PXDNL: variants seen among roughly 807,000 people sequenced by gnomAD.
PXDNL encodes peroxidasin like.
A neutral mutation model predicts 150.8 loss-of-function variants in PXDNL; 145 were observed. That is an observed-to-expected ratio of 0.96 (90% CI 0.84 to 1.10). The LOEUF is 1.10. Among genes scored for constraint, PXDNL ranks in the 50% least tolerant of loss-of-function variants. The pLI, the probability that PXDNL is intolerant of heterozygous loss-of-function variation, is 0.00. For missense variants in PXDNL, 2,087 were observed against 1,873.9 expected (o/e 1.11, Z -2.10); for synonymous variants, 757 against 725.7 (o/e 1.04, Z -0.69).
chr8:51,744,913 GGAAGGAAA>G (rs1315468867), intron 1 of PXDNL, among the ~76,000 whole-genome samples: 1 of 119,088 alleles, frequency 8.4e-6, no homozygotes, highest in African/African-American at 3.3e-5. Context: ...AAGGAAGGAA[GGAAGGAAA>G]GAAAGAAAAA....
intron 4 of PXDNL, among the ~76,000 whole-genome samples, chr8:51,504,370 C>A (rs1811244400): frequency 6.6e-6 from 1 of 152,174 alleles, no homozygotes; most frequent in African/African-American, 2.4e-5. Context: ...CCCCTTCTTG[C>A]TCTACCTCAA....
chr8:51,642,138 T>C (rs930494240), intron 2 of PXDNL, among the ~76,000 whole-genome samples: 3 of 148,788 alleles, frequency 2.0e-5, no homozygotes, highest in Admixed American at 7.0e-5. Context: ...TTCTCACTCA[T>C]AGGTGGGAAT....
rs1210312643 is a variant in PXDNL at position 51,319,615 on chromosome 8, G to A, written c.*276C>T. 2 of 212,538 alleles carry A rather than the reference G, an allele frequency of 9.4e-6. No homozygotes were observed. Among genetic ancestry groups the A allele is most frequent in the Non-Finnish European group, 1.8e-5 (2 of 108,410 alleles). The allele number at this position is 212,538 out of a possible 1,614,324, so 13.2% of individuals were successfully genotyped here. A position where few individuals can be genotyped will look rare whatever the true frequency, so the allele number is the denominator to read the frequency against. On this transcript the variant is annotated 3_prime_UTR_variant, in exon 23 of 23. Coordinates refer to ENST00000356297, the MANE Select transcript of PXDNL (RefSeq NM_144651.5). The stretch of plus-strand genomic sequence containing the variant: ...TTCCATGATATTCTTTTTATTTCCA[G>A]GTGTGGCATATAAAACTGACAGCTT...
chr8:51,800,461 C>T lies in PXDNL; in HGVS notation c.164+8720G>A, dbSNP rs74911072. Among the ~76,000 whole-genome samples the T allele has an allele frequency of 4.9e-3, 740 of 152,196 alleles. 6 individuals are homozygous for T. The highest frequency in any genetic ancestry group is 0.017 in the African/African-American group (710 of 41,522). On this transcript the variant is annotated intron_variant, in intron 1 of 22. Coordinates refer to ENST00000356297, the MANE Select transcript of PXDNL (RefSeq NM_144651.5). ...CTGGGAGTAACAGGGAGAAGAAAGG[C>T]TTCCCCAAGGTGAGCTCTGAGCTGC... is the stretch of plus-strand genomic sequence containing the variant.
Position 51,345,867 on chromosome 8 carries a change from C to T in PXDNL, c.3982G>A (p.Asp1328Asn). Reference protein sequence around the residue: ...KRSAQYSYPVDKDMELSHLRS... With the variant: ...KRSAQYSYPVNKDMELSHLRS... ...AGATGACTTAACTCCATATCCTTAT[C>T]AACAGGATAGCTGTATTGAGCTGAG... Residue 1328 changes from aspartate to asparagine, a missense_variant, in exon 20 of 23, where the codon GAT (aspartate) becomes AAT (asparagine). By Grantham distance (23) the Asp-to-Asn change is conservative. Transcript: ENST00000356297. The T allele has an allele frequency of 6.2e-7, 1 of 1,612,508 alleles. No homozygotes were observed. Among genetic ancestry groups the T allele is most frequent in the Non-Finnish European group, 8.5e-7 (1 of 1,178,532 alleles).
chr8:51,718,239 G>T (rs2130911177), intron 1 of PXDNL, among the ~76,000 whole-genome samples: 2 of 152,148 alleles, frequency 1.3e-5, no homozygotes, highest in Middle Eastern at 6.8e-3. Flanking sequence ...GGTCTGGAAG[G>T]AGGGAGACCA....
intron 17 of PXDNL, among the ~76,000 whole-genome samples, chr8:51,407,618 T>C (rs1253692803): frequency 6.6e-6 from 1 of 152,174 alleles, no homozygotes; most frequent in East Asian, 1.9e-4. Flanking sequence ...CTAACTTAAA[T>C]TCCGACCATG....
At chr8:51,391,000 G>A (rs1422381043) in intron 17 of PXDNL, among the ~76,000 whole-genome samples, 2 of 151,942 alleles carry the variant, frequency 1.3e-5, no homozygotes, top group South Asian at 4.1e-4. Flanking sequence ...GCGGTGTTTG[G>A]TTTTTTGTCC....
At chr8:51,418,605 G>A (rs1808863715) in intron 14 of PXDNL, among the ~76,000 whole-genome samples, 1 of 152,106 alleles carries the variant, frequency 6.6e-6, no homozygotes, top group South Asian at 2.1e-4. Context: ...AACTGAACAG[G>A]TTAATTAATG....
At chr8:51,446,269 G>T (rs548994738) in intron 12 of PXDNL, among the ~76,000 whole-genome samples, 1 of 152,152 alleles carries the variant, frequency 6.6e-6, no homozygotes, top group Non-Finnish European at 1.5e-5. Context: ...GATCTAATAC[G>T]TCAGAACAAA....
intron 1 of PXDNL, among the ~76,000 whole-genome samples, chr8:51,705,698 C>T (rs1008592543): frequency 1.1e-4 from 17 of 152,130 alleles, no homozygotes; most frequent in African/African-American, 3.6e-4. Flanking sequence ...AAGGAGTGAG[C>T]GTGTTTATTC....
intron 3 of PXDNL, among the ~76,000 whole-genome samples, chr8:51,576,859 C>T (rs1042348227): frequency 2.6e-5 from 4 of 151,740 alleles, no homozygotes; most frequent in African/African-American, 9.7e-5. Context: ...ACTAACAGAA[C>T]ACAACAAACA....
At chr8:51,606,389 CT>C (rs1370674783) in intron 2 of PXDNL, among the ~76,000 whole-genome samples, 4 of 152,134 alleles carry the variant, frequency 2.6e-5, no homozygotes, top group African/African-American at 9.7e-5. Flanking sequence ...TCATGTTCCC[CT>C]GGGAATGCAG....
intron 20 of PXDNL, among the ~76,000 whole-genome samples, chr8:51,342,879 C>CAAAA (rs35948794): frequency 2.2e-5 from 2 of 90,216 alleles, no homozygotes; most frequent in South Asian, 4.2e-4. Context: ...GATTAAGATT[C>CAAAA]AAAAAAAAAA....
intron 1 of PXDNL, among the ~76,000 whole-genome samples, chr8:51,694,391 T>G (rs1816072556): frequency 6.6e-6 from 1 of 151,888 alleles, no homozygotes; most frequent in African/African-American, 2.4e-5. Context: ...AGGGTTTCAC[T>G]AATAACTCTG....
chr8:51,729,949 A>G (rs908602198), intron 1 of PXDNL, among the ~76,000 whole-genome samples: 1 of 152,226 alleles, frequency 6.6e-6, no homozygotes, highest in Non-Finnish European at 1.5e-5. Context: ...CAATAAAAAG[A>G]TCAATGTTTG....
chr8:51,705,116 C>T (rs192199034), intron 1 of PXDNL, among the ~76,000 whole-genome samples: 5 of 152,250 alleles, frequency 3.3e-5, no homozygotes, highest in African/African-American at 1.2e-4. Context: ...TTGTACTGCC[C>T]GCTGGATCAT....
chr8:51,691,062 G>GA (rs1815985834), intron 1 of PXDNL, among the ~76,000 whole-genome samples: 1 of 152,156 alleles, frequency 6.6e-6, no homozygotes, highest in African/African-American at 2.4e-5. Context: ...GTAGATTCTG[G>GA]ATATTAGCCC....
At chr8:51,565,666 G>A (rs189197738) in intron 3 of PXDNL, among the ~76,000 whole-genome samples, 276 of 151,902 alleles carry the variant, frequency 1.8e-3, no homozygotes, top group African/African-American at 4.8e-3. Flanking sequence ...ATGGTTCAAT[G>A]TACACATAAT....
Sources: allele counts gnomAD v4.1 joint callset (sites outside exome capture counted in the v4.1 genomes callset), GRCh38; gene constraint gnomAD v4.1.1; transcripts MANE v1.5; gene names NCBI Gene and HGNC (gene_info 2026-07-23, HGNC 2026-07-21).